FAM163A: variants seen among roughly 807,000 people sequenced by gnomAD.
FAM163A encodes family with sequence similarity 163 member A, also known as protein FAM163A.
Under a neutral mutation model 12.0 loss-of-function variants are expected in FAM163A, and 7 were observed. That is an observed-to-expected ratio of 0.58 (90% CI 0.33 to 1.10). The LOEUF is 1.10. FAM163A is among the 50% of genes least tolerant of loss of function. The pLI is 0.03. For missense variants in FAM163A, 202 were observed against 218.6 expected (o/e 0.92, Z 0.48); for synonymous variants, 101 against 91.0 (o/e 1.11, Z -0.62).
rs185949655 is a variant in FAM163A, at chr1:179,765,721, T to A, written c.-136+22298T>A. 1.2e-4 allele frequency among the ~76,000 whole-genome samples: 18 copies of A among 149,810 alleles called. No homozygotes were observed. In the Admixed American group the frequency reaches 1.2e-3, roughly 10 times the overall value. On this transcript the variant is annotated intron_variant, in intron 1 of 4. Coordinates refer to ENST00000341785, the MANE Select transcript of FAM163A (RefSeq NM_173509.3). ...TTTTGCTGATTTTAAATATCAGAGC[T>A]GGTTCGAGACTATTGCTTAGATAGT... is the stretch of plus-strand genomic sequence containing the variant.
chr1:179,813,249 T>A, intron 4 of FAM163A, 59 bp downstream of exon 4: 4 of 1,481,954 alleles, frequency 2.7e-6, no homozygotes, highest in Non-Finnish European at 2.8e-6. Flanking sequence ...CTCTTTTTCA[T>A]TATGGGGGCA....
intron 1 of FAM163A, among the ~76,000 whole-genome samples, chr1:179,800,034 A>G (rs1000763020): frequency 6.6e-5 from 10 of 152,184 alleles, no homozygotes; most frequent in African/African-American, 2.2e-4. Flanking sequence ...TCCAATAAAC[A>G]TGGCATGCTC....
At chr1:179,813,375 C>T (rs577867260) in intron 4 of FAM163A, among the ~76,000 whole-genome samples, 185 bp downstream of exon 4, 1 of 152,308 alleles carries the variant, frequency 6.6e-6, no homozygotes, top group Non-Finnish European at 1.5e-5. Flanking sequence ...GCCCCCCAGC[C>T]TGCCCACTCA....
At chr1:179,751,466 A>C (rs1260990255) in intron 1 of FAM163A, among the ~76,000 whole-genome samples, 4 of 152,176 alleles carry the variant, frequency 2.6e-5, no homozygotes, top group African/African-American at 7.2e-5. Context: ...CCTTAGGAAA[A>C]GAGATCATAG....
At chr1:179,750,304 A>G (rs16854629) in intron 1 of FAM163A, among the ~76,000 whole-genome samples, 36,125 of 152,142 alleles carry the variant, frequency 0.24, 4,947 homozygotes, top group East Asian at 0.63. Flanking sequence ...GGGGAAACAA[A>G]TTTGTCACAA....
chr1:179,769,321 A>ATT (rs10645895), intron 1 of FAM163A, among the ~76,000 whole-genome samples: 13,696 of 145,846 alleles, frequency 0.094, 791 homozygotes, highest in Non-Finnish European at 0.14. Flanking sequence ...AATTTTTTCA[A>ATT]TTTTTTTTTT....
At chr1:179,734,408 C>T in the FAM163A span, among the ~76,000 whole-genome samples, 8 of 151,662 alleles carry the variant, frequency 5.3e-5, no homozygotes, top group Non-Finnish European at 1.0e-4. Flanking sequence ...TAAACGAATA[C>T]TCCTTTTTTT....
rs1695227141 is a variant in FAM163A at position 179,815,287 on chromosome 1, A to C, written c.*1098A>C. 1 of 152,348 alleles carries C rather than the reference A, an allele frequency of 6.6e-6. No homozygotes were observed. Among genetic ancestry groups the C allele is most frequent in the Non-Finnish European group, 1.5e-5 (1 of 68,136 alleles). 9.4% of individuals were successfully genotyped at this position (152,348 alleles called of 1,614,324 possible). On this transcript the variant is annotated 3_prime_UTR_variant, in exon 5 of 5. Coordinates refer to ENST00000341785, the MANE Select transcript of FAM163A (RefSeq NM_173509.3). ...GGTGGTTAACACGTGACCAATCCCCATGGCAGACAGCGGGCTGGTGAACAG... is the reference window on the plus strand; with the variant it reads ...GGTGGTTAACACGTGACCAATCCCCCTGGCAGACAGCGGGCTGGTGAACAG...
intron 1 of FAM163A, among the ~76,000 whole-genome samples, chr1:179,749,754 G>T (rs184456496): frequency 6.6e-6 from 1 of 152,184 alleles, no homozygotes; most frequent in East Asian, 1.9e-4. Flanking sequence ...AGCTACTTGG[G>T]AGGCTGAGGC....
chr1:179,792,327 G>GT (rs1557952915), intron 1 of FAM163A, among the ~76,000 whole-genome samples: 2 of 146,682 alleles, frequency 1.4e-5, no homozygotes, highest in South Asian at 2.2e-4. Context: ...GTGTGTGTGT[G>GT]GAGATTGGGT....
At chr1:179,810,049 A>G (rs1012934734) in intron 2 of FAM163A, among the ~76,000 whole-genome samples, 1 of 152,164 alleles carries the variant, frequency 6.6e-6, no homozygotes, top group East Asian at 1.9e-4. Context: ...GGGCTGTGAC[A>G]AGCTAAACAG....
At chr1:179,801,175 G>A (rs1435611233) in intron 1 of FAM163A, among the ~76,000 whole-genome samples, 1 of 152,114 alleles carries the variant, frequency 6.6e-6, no homozygotes, top group Non-Finnish European at 1.5e-5. Flanking sequence ...TCACATTGAG[G>A]AGACACCAAC....
intron 1 of FAM163A, among the ~76,000 whole-genome samples, chr1:179,770,073 T>A (rs1363703068): frequency 6.6e-6 from 1 of 151,850 alleles, no homozygotes; most frequent in Non-Finnish European, 1.5e-5. Flanking sequence ...GCCTGGCTAC[T>A]TTTTTGTATT....
At chr1:179,758,333 G>T (rs370861357) in intron 1 of FAM163A, among the ~76,000 whole-genome samples, 3 of 152,204 alleles carry the variant, frequency 2.0e-5, no homozygotes, top group Admixed American at 6.5e-5. Context: ...GGTAAAGTAA[G>T]TAGGCTGGAC....
intron 1 of FAM163A, among the ~76,000 whole-genome samples, chr1:179,748,939 T>C (rs2147971029): frequency 6.6e-6 from 1 of 152,286 alleles, no homozygotes; most frequent in South Asian, 2.1e-4. Flanking sequence ...ACATGAAACG[T>C]TTATATCCCC....
chr1:179,746,713 G>A (rs1557887294), intron 1 of FAM163A, among the ~76,000 whole-genome samples: 3 of 152,190 alleles, frequency 2.0e-5, no homozygotes, highest in Admixed American at 1.3e-4. Context: ...CCTGTGCCTG[G>A]TATGTTCCCT....
chr1:179,788,326 A>G (rs1690939031), intron 1 of FAM163A, among the ~76,000 whole-genome samples: 2 of 152,188 alleles, frequency 1.3e-5, no homozygotes, highest in African/African-American at 4.8e-5. Flanking sequence ...TCTTGTTTGA[A>G]ATAAAACTGT....
chr1:179,773,635 A>C (rs144031171), intron 1 of FAM163A, among the ~76,000 whole-genome samples: 1 of 152,222 alleles, frequency 6.6e-6, no homozygotes, highest in Non-Finnish European at 1.5e-5. Flanking sequence ...TCCCCGCTGT[A>C]AGCAGTCCAA....
the FAM163A span, among the ~76,000 whole-genome samples, chr1:179,735,495 C>CTTTTTTTTTTTTTT: frequency 2.3e-4 from 14 of 62,184 alleles, 5 homozygotes; most frequent in East Asian, 1.1e-3. Flanking sequence ...GAGTTACATT[C>CTTTTTTTTTTTTTT]TTTTTTTTTT....
Sources: allele counts gnomAD v4.1 joint callset (sites outside exome capture counted in the v4.1 genomes callset), GRCh38; gene constraint gnomAD v4.1.1; transcripts MANE v1.5; gene names NCBI Gene and HGNC (gene_info 2026-07-23, HGNC 2026-07-21).